CKB: variants seen among roughly 807,000 people sequenced by gnomAD.
CKB encodes the protein creatine kinase B-type.
CKB carries 15 observed loss-of-function variants against 36.9 expected under a neutral mutation model. The ratio of observed to expected loss-of-function variants is 0.41; its 90% CI spans 0.27 to 0.63. CKB has a LOEUF of 0.63. CKB is among the 20% of genes least tolerant of loss of function. The pLI is 0.34. For missense variants in CKB, 413 were observed against 534.9 expected (o/e 0.77, Z 2.25); for synonymous variants, 250 against 228.2 (o/e 1.10, Z -0.86).
Position 103,520,502 on chromosome 14 carries a change from C to G in CKB, c.744G>C (p.Glu248Asp), listed in dbSNP as rs369370975. Reference sequence around the variant, plus strand: ...GGCCGGTGCAGAAGCGGGTGAACACCTCCTTCATGTTGCCCCCCTTCTGCA... The same window carrying G: ...GGCCGGTGCAGAAGCGGGTGAACACGTCCTTCATGTTGCCCCCCTTCTGCA... ...ISMQKGGNMK[E>D]VFTRFCTGLT... The change falls in exon 6 of 8, where the codon GAG becomes GAC. Residue 248 changes from glutamate (E) to aspartate (D), a missense_variant. Physicochemically the swap from Glu to Asp is conservative, Grantham distance 45. Coordinates refer to ENST00000348956, the MANE Select transcript of CKB (RefSeq NM_001823.5). 1.1e-5 allele frequency: 18 copies of G among 1,608,624 alleles called. No homozygotes were observed. The highest frequency in any genetic ancestry group is 1.4e-5 in the Non-Finnish European group (16 of 1,177,660).
In CKB at chr14:103,522,580, G is replaced by GCCCCCCCCCCCCCCCCCCCC; in HGVS notation, c.-12-76_-12-75insGGGGGGGGGGGGGGGGGGGG. On this transcript the variant is annotated intron_variant, in intron 1 of 7. Coordinates refer to ENST00000348956, the MANE Select transcript of CKB (RefSeq NM_001823.5). The surrounding 1 kb of genome is among the most constrained non-coding windows in gnomAD (Gnocchi z 6.7). ...GCTCCCGCGTACCACTCAGGCCCCC[G>GCCCCCCCCCCCCCCCCCCCC]CCGCCGGGCCCCCCGGCGCCCCCCG... 1 of 408,730 alleles carries GCCCCCCCCCCCCCCCCCCCC rather than the reference G, an allele frequency of 2.4e-6. No homozygotes were observed. Among genetic ancestry groups the GCCCCCCCCCCCCCCCCCCCC allele is most frequent in the Non-Finnish European group, 3.7e-6 (1 of 271,300 alleles). 25.3% of individuals were successfully genotyped at this position (408,730 alleles called of 1,614,324 possible).
chr14:103,520,187 T>C lies in CKB; in HGVS notation c.902A>G (p.Asn301Ser). 1 of 1,612,752 alleles carries C rather than the reference T, an allele frequency of 6.2e-7. No individual in the cohort carries two copies. Among genetic ancestry groups the C allele is most frequent in the Non-Finnish European group, 8.5e-7 (1 of 1,179,592 alleles). Residue 301 changes from asparagine to serine, a missense_variant, in exon 7 of 8, where the codon AAC (asparagine) becomes AGC (serine). Asn to Ser is a conservative substitution (Grantham distance 46, BLOSUM62 1). This residue lies in a region of CKB where 314 missense variants were observed against 409.4 expected (regional missense o/e 0.77). Transcript: ENST00000348956. ...CGAGAACTTCTCATGCTTGCCCAGG[T>C]TGGGCAGCTTGATATGCACACCTGC... ...LRAGVHIKLPNLGKHEKFSEV... is the reference protein window; with the variant it reads ...LRAGVHIKLPSLGKHEKFSEV...
intron 5 of CKB, 109 bp downstream of exon 5, chr14:103,521,145 CCCTCCTCCT>C (rs137901801): frequency 1.3e-5 from 16 of 1,243,140 alleles, no homozygotes; most frequent in African/African-American, 9.1e-5. Flanking sequence ...GCCGGCCCCT[CCCTCCTCCT>C]CCTCCTCCTC....
chr14:103,521,199 C>A (rs982505834), intron 5 of CKB, 64 bp downstream of exon 5: 3 of 1,513,404 alleles, frequency 2.0e-6, no homozygotes, highest in Non-Finnish European at 2.7e-6. Flanking sequence ...GCGAGGGGGG[C>A]GAGAGGGAAA....
At chr14:103,520,703 G>A (rs2075894030) in intron 5 of CKB, 111 bp from the exon 6 acceptor site, 1 of 1,408,104 alleles carries the variant, frequency 7.1e-7, no homozygotes, top group African/African-American at 1.4e-5. Context: ...GCCCAGGAGT[G>A]GAGGCTGCTG....
chr14:103,521,774 G>A (rs2075903013), intron 4 of CKB, 44 bp downstream of exon 4: 1 of 1,349,158 alleles, frequency 7.4e-7, no homozygotes, highest in East Asian at 3.1e-5. Flanking sequence ...CGCGCCGGGA[G>A]GGGGACGCGG....
In CKB at chr14:103,522,335, C is replaced by T. The variant is rs1471408013; in HGVS notation, c.159G>A (p.Leu53=). ...RAKSTPSGFT[L]DDVIQTGVDN... is the part of the protein sequence containing the mutation. ...CCACGCCTGTCTGGATGACGTCGTC[C>T]AGCGTGAAGCCGCTCGGCGTGCTCT... Residue 53 remains leucine (L), a synonymous_variant, in exon 2 of 8, where the codon CTG becomes CTA. Coordinates refer to ENST00000348956, the MANE Select transcript of CKB (RefSeq NM_001823.5). This position sits in a 1 kb window ranked among gnomAD's most constrained non-coding sequence, Gnocchi z 6.7. 1 of 1,609,566 alleles carries T rather than the reference C, an allele frequency of 6.2e-7. No individual in the cohort carries two copies. The highest frequency in any genetic ancestry group is 1.3e-5 in the African/African-American group (1 of 74,670).
In CKB at chr14:103,522,595, G is replaced by A. The variant is rs1310191068; in HGVS notation, c.-12-90C>T. The stretch of plus-strand genomic sequence containing the variant: ...TCAGGCCCCCGCCGCCGGGCCCCCC[G>A]GCGCCCCCCGGGACGCGGCCAAGGT... On this transcript the variant is annotated intron_variant, in intron 1 of 7. Coordinates refer to ENST00000348956, the MANE Select transcript of CKB (RefSeq NM_001823.5). The surrounding 1 kb of genome is among the most constrained non-coding windows in gnomAD (Gnocchi z 6.7). 15 of 908,908 alleles carry A rather than the reference G, an allele frequency of 1.7e-5. No individual in the cohort carries two copies. The highest frequency in any genetic ancestry group is 2.1e-5 in the Non-Finnish European group (14 of 675,940). 56.3% of individuals were successfully genotyped at this position (908,908 alleles called of 1,614,324 possible).
rs1453256548 is a variant in CKB at position 103,519,718 on chromosome 14, A to G, written c.*146T>C. On this transcript the variant is annotated 3_prime_UTR_variant, in exon 8 of 8. Coordinates refer to ENST00000348956, the MANE Select transcript of CKB (RefSeq NM_001823.5). ...AGCATCAGCAGTATCTTAGCCATCA[A>G]AAAAATAAACTCTACCAAGGGTGAC... 5.3e-6 allele frequency: 5 copies of G among 935,272 alleles called. No homozygotes were observed. The East Asian group carries it at 1.3e-4, about 24-fold the overall frequency. 57.9% of individuals were successfully genotyped at this position (935,272 alleles called of 1,614,324 possible).
Position 103,519,880 on chromosome 14 carries a change from A to C in CKB, c.1130T>G (p.Met377Arg). 1.2e-6 allele frequency: 2 copies of C among 1,605,598 alleles called. No individual in the cohort carries two copies. Among genetic ancestry groups the C allele is most frequent in the Non-Finnish European group, 1.7e-6 (2 of 1,179,750 alleles). ...LEQGQAIDDL[M>R]PAQK Reference sequence around the variant, plus strand: ...GGCCGGGCTTCATTTCTGGGCAGGCATGAGGTCGTCGATGGCCTGGCCCTG... The same window carrying C: ...GGCCGGGCTTCATTTCTGGGCAGGCCTGAGGTCGTCGATGGCCTGGCCCTG... The change falls in exon 8 of 8, where the codon ATG becomes AGG. Residue 377 changes from methionine to arginine, a missense_variant. Physicochemically the swap from Met to Arg is moderately conservative, Grantham distance 91. Coordinates refer to ENST00000348956, the MANE Select transcript of CKB (RefSeq NM_001823.5).
chr14:103,520,728 G>C, intron 5 of CKB, 136 bp from the exon 6 acceptor site: 16 of 1,253,944 alleles, frequency 1.3e-5, no homozygotes, highest in Non-Finnish European at 1.7e-5. Context: ...GACTCCACCC[G>C]CCAACACGGG....
chr14:103,520,047 G>A lies in CKB; in HGVS notation c.968-5C>T. 10 of 1,609,718 alleles carry A rather than the reference G, an allele frequency of 6.2e-6. No individual in the cohort carries two copies. Among genetic ancestry groups the A allele is most frequent in the South Asian group, 1.1e-5 (1 of 91,018 alleles). On this transcript the variant is annotated splice_polypyrimidine_tract_variant and splice_region_variant and intron_variant, in intron 7 of 7. Coordinates refer to ENST00000348956, the MANE Select transcript of CKB (RefSeq NM_001823.5). ...CCGCAGCCGTGTCCACACCGCCTGG[G>A]GAGACAGCAAGTCAGGGCGGAGGAA...
At chr14:103,521,758 G>A (rs2075902849) in intron 4 of CKB, 60 bp downstream of exon 4, 2 of 1,335,492 alleles carry the variant, frequency 1.5e-6, no homozygotes, top group African/African-American at 3.1e-5. Flanking sequence ...AAAAGCGGGC[G>A]GGGACCGCGC....
At position 103,519,953 on chromosome 14, in the gene CKB, C is replaced by T. The variant is rs751936373; in HGVS notation, c.1057G>A (p.Val353Met). The change falls in exon 8 of 8, where the codon GTG becomes ATG. Residue 353 changes from valine to methionine, a missense_variant. By Grantham distance (21) the Val-to-Met change is conservative (BLOSUM62 1). Around this residue, in one of 3 missense-constraint regions of CKB, gnomAD observed 314 missense variants for 409.4 expected, o/e 0.77. Transcript: ENST00000348956. ...GFSEVELVQMVVDGVKLLIEM... is the reference protein window; with the variant it reads ...GFSEVELVQMMVDGVKLLIEM... Reference sequence around the variant, plus strand: ...ATGAGCAGCTTCACTCCGTCCACCACCATCTGCACCAGCTCCACCTCTGAG... The same window carrying T: ...ATGAGCAGCTTCACTCCGTCCACCATCATCTGCACCAGCTCCACCTCTGAG... 2 of 1,610,896 alleles carry T rather than the reference C, an allele frequency of 1.2e-6. No individual in the cohort carries two copies. The highest frequency in any genetic ancestry group is 2.2e-5 in the East Asian group (1 of 44,876).
Position 103,522,381 on chromosome 14 carries a change from A to T in CKB, c.113T>A (p.Leu38Gln), listed in dbSNP as rs1189898311. 1.2e-6 allele frequency: 2 copies of T among 1,611,324 alleles called. No homozygotes were observed. Among genetic ancestry groups the T allele is most frequent in the Non-Finnish European group, 1.7e-6 (2 of 1,179,138 alleles). ...GCTCTTGGCGCGCAGCTCCGCGTAC[A>T]GCTCGGGGGTCAGCACCTTGGCCAT... is the stretch of plus-strand genomic sequence containing the variant. ...NHMAKVLTPE[L>Q]YAELRAKSTP... is the part of the protein sequence containing the mutation. The change falls in exon 2 of 8, where the codon CTG (leucine) becomes CAG (glutamine). Residue 38 changes from leucine to glutamine, a missense_variant. Around this residue, in one of 3 missense-constraint regions of CKB, gnomAD observed 74 missense variants for 70.6 expected, o/e 1.05. Coordinates refer to ENST00000348956, the MANE Select transcript of CKB (RefSeq NM_001823.5). The surrounding 1 kb of genome is among the most constrained non-coding windows in gnomAD (Gnocchi z 6.7).
At position 103,521,411 on chromosome 14, in the gene CKB, G is replaced by A. The variant is rs1386273686; in HGVS notation, c.505C>T (p.Leu169=). ...VEALSSLDGD[L]AGRYYALKSM... ...TTGAGCGCGTAGTATCGGCCCGCCA[G>A]GTCGCCGTCCAGGCTGGACAGGGCT... The change falls in exon 5 of 8, where the codon CTG becomes TTG. Residue 169 remains leucine, a synonymous_variant. Transcript: ENST00000348956. 6.2e-6 allele frequency: 10 copies of A among 1,603,458 alleles called. No homozygotes were observed. Among genetic ancestry groups the A allele is most frequent in the Non-Finnish European group, 5.1e-6 (6 of 1,178,752 alleles).
chr14:103,522,644 G>T lies in CKB; in HGVS notation c.-13+122C>A. ...GTCAGCGGGGTCCGCAGCGCGCGCGGGGAGCGCCATCATCGCCGGGGACCC... is the reference window on the plus strand; with the variant it reads ...GTCAGCGGGGTCCGCAGCGCGCGCGTGGAGCGCCATCATCGCCGGGGACCC... On this transcript the variant is annotated intron_variant, in intron 1 of 7. Transcript: ENST00000348956. This position sits in a 1 kb window ranked among gnomAD's most constrained non-coding sequence, Gnocchi z 6.7. The T allele has an allele frequency of 2.4e-6, 1 of 413,020 alleles. No homozygotes were observed. The highest frequency in any genetic ancestry group is 2.1e-5 in the African/African-American group (1 of 46,790). The allele number at this position is 413,020 out of a possible 1,614,324, so 25.6% of individuals were successfully genotyped here. A position where few individuals can be genotyped will look rare whatever the true frequency, so the allele number is the denominator to read the frequency against.
chr14:103,521,825 C>CG lies in CKB; in HGVS notation c.473dup (p.Val159GlyfsTer63), dbSNP rs1187249901. ...GGCCCGCCCGGCCCCTACCTTCCAC[C>CG]GCGAGCTTCTCGATGGCGCGGCGCT... is the stretch of plus-strand genomic sequence containing the variant. On this transcript the variant is annotated frameshift_variant, in exon 4 of 8. Coordinates refer to ENST00000348956, the MANE Select transcript of CKB (RefSeq NM_001823.5). LOFTEE classifies it high-confidence loss of function. 1 of 1,493,556 alleles carries CG rather than the reference C, an allele frequency of 6.7e-7. No homozygotes were observed. Among genetic ancestry groups the CG allele is most frequent in the African/African-American group, 1.5e-5 (1 of 68,850 alleles). 92.5% of individuals were successfully genotyped at this position (1,493,556 alleles called of 1,614,324 possible). A position where few individuals can be genotyped will look rare whatever the true frequency, so the allele number is the denominator to read the frequency against.
At position 103,521,964 on chromosome 14, in the gene CKB, CG is replaced by C. The variant is rs1237716070; in HGVS notation, c.349-15del. 6.4e-7 allele frequency: 1 copy of C among 1,562,134 alleles called. No individual in the cohort carries two copies. The highest frequency in any genetic ancestry group is 8.6e-7 in the Non-Finnish European group (1 of 1,158,466). ...GTCGTCGCCGCCCTGGGAGGCGAGA[CG>C]GGAGTGAGCGCCCGAAGACCCCGGC... On this transcript the variant is annotated splice_polypyrimidine_tract_variant and intron_variant, in intron 3 of 7. Transcript: ENST00000348956.
Sources: gnomAD v4.1 joint callset for allele counts on GRCh38, gnomAD v4.1.1 for gene constraint, gnomAD v4.1.1 regional missense constraint, Gnocchi (gnomAD v3.1) non-coding constraint, MANE v1.5 for transcripts, NCBI Gene and HGNC (gene_info 2026-07-23, HGNC 2026-07-21) for gene names.